Variants in NT5E observed in about 807,000 individuals in gnomAD.
NT5E encodes 5'-nucleotidase ecto, also known as 5'-nucleotidase.
Under a neutral mutation model 55.1 loss-of-function variants are expected in NT5E, and 53 were observed. That is an observed-to-expected ratio of 0.96 (90% CI 0.77 to 1.21). The LOEUF is 1.21. Among genes scored for constraint, NT5E ranks in the 50% most tolerant of loss-of-function variants. The probability of loss-of-function intolerance (pLI) is 0.00; values close to 1 mark genes in which losing one functional copy is unlikely to be tolerated. For missense variants in NT5E, 683 were observed against 724.3 expected (o/e 0.94, Z 0.65); for synonymous variants, 270 against 278.4 (o/e 0.97, Z 0.30).
intron 7 of NT5E, chr6:85,490,889 G>A: frequency 1.7e-6 from 1 of 578,464 alleles, no homozygotes; most frequent in South Asian, 1.9e-5. Context: ...TATTTGCCAA[G>A]TCTGATTTGG....
rs542462690 is a variant in NT5E at position 85,490,450 on chromosome 6, T to C, written c.1211-58T>C. Reference sequence around the variant, plus strand: ...CCCCAGCGCTGAGGGAAACTGGTCATGGTGTAAGCATTTTCTCAAGCTATT... The same window carrying C: ...CCCCAGCGCTGAGGGAAACTGGTCACGGTGTAAGCATTTTCTCAAGCTATT... On this transcript the variant is annotated intron_variant, in intron 6 of 8. Transcript: ENST00000257770. 1.9e-4 allele frequency: 310 copies of C among 1,600,256 alleles called. 4 individuals are homozygous for C. In the South Asian group the frequency reaches 3.2e-3, roughly 17 times the overall value.
intron 1 of NT5E, among the ~76,000 whole-genome samples, chr6:85,455,919 G>A (rs1768980931): frequency 6.6e-6 from 1 of 152,166 alleles, no homozygotes; most frequent in South Asian, 2.1e-4. Context: ...GTGTATGTGT[G>A]TGTTTGTGCT....
Position 85,450,569 on chromosome 6 carries a change from T to C in NT5E, c.339+91T>C. 1 of 1,234,818 alleles carries C rather than the reference T, an allele frequency of 8.1e-7. No homozygotes were observed. Among genetic ancestry groups the C allele is most frequent in the African/African-American group, 1.5e-5 (1 of 67,140 alleles). 76.5% of individuals were successfully genotyped at this position (1,234,818 alleles called of 1,614,324 possible). On this transcript the variant is annotated intron_variant, in intron 1 of 8. Transcript: ENST00000257770. This position sits in a 1 kb window ranked among gnomAD's most constrained non-coding sequence, Gnocchi z 4.0. ...AGCGGATGGCAGAGTGTGGCAAGCC[T>C]AGGTCCAGGGCGCGGAGAGATGTGG...
rs572395461 is a variant in NT5E at position 85,474,145 on chromosome 6, G to A, written c.751+2720G>A. On this transcript the variant is annotated intron_variant, in intron 3 of 8. Coordinates refer to ENST00000257770, the MANE Select transcript of NT5E (RefSeq NM_002526.4). ...TGCTCAAGTCCCTTATATAAATGGT[G>A]TAGCATTTGCATATGACCTGTGCAC... Among the ~76,000 whole-genome samples the A allele has an allele frequency of 3.3e-5, 5 of 152,274 alleles. No individual in the cohort carries two copies. In the East Asian group the frequency reaches 9.6e-4, roughly 29 times the overall value.
At position 85,450,755 on chromosome 6, in the gene NT5E, A is replaced by T. The variant is rs1291314595; in HGVS notation, c.339+277A>T. ...GAGGGGCTTAAGGTGGGGTGCGTAG[A>T]AGCACTGACAGTTATCCAGAGCTAG... On this transcript the variant is annotated intron_variant, in intron 1 of 8. Transcript: ENST00000257770. The surrounding 1 kb of genome is among the most constrained non-coding windows in gnomAD (Gnocchi z 4.0). Among the ~76,000 whole-genome samples, 1 of 152,212 alleles carries T rather than the reference A, an allele frequency of 6.6e-6. No homozygotes were observed. The highest frequency in any genetic ancestry group is 2.4e-5 in the African/African-American group (1 of 41,460).
intron 2 of NT5E, among the ~76,000 whole-genome samples, chr6:85,470,598 C>A (rs1423994970): frequency 6.6e-6 from 1 of 152,126 alleles, no homozygotes; most frequent in Non-Finnish European, 1.5e-5. Flanking sequence ...TGTGCCTCCA[C>A]GCCTGAATAA....
intron 1 of NT5E, among the ~76,000 whole-genome samples, chr6:85,454,335 A>G (rs573253605): frequency 7.8e-4 from 119 of 152,332 alleles, no homozygotes; most frequent in Non-Finnish European, 1.3e-3. Context: ...GTAAATTTCT[A>G]TATTTTACCT....
At chr6:85,473,359 C>G (rs980906586) in intron 3 of NT5E, among the ~76,000 whole-genome samples, 5 of 152,150 alleles carry the variant, frequency 3.3e-5, no homozygotes, top group Non-Finnish European at 5.9e-5. Context: ...GGCCTTAGCA[C>G]AGGGCCTAGT....
intron 2 of NT5E, among the ~76,000 whole-genome samples, chr6:85,468,934 G>T (rs1454989619): frequency 2.0e-5 from 3 of 152,096 alleles, no homozygotes; most frequent in African/African-American, 7.2e-5. Flanking sequence ...CATTTTGCAG[G>T]GCCCAGTGTG....
chr6:85,470,828 T>A (rs1051093624), intron 2 of NT5E, among the ~76,000 whole-genome samples: 1 of 152,260 alleles, frequency 6.6e-6, no homozygotes, highest in African/African-American at 2.4e-5. Context: ...GTTTTAAGTT[T>A]GAACACTGAT....
At position 85,493,838 on chromosome 6, in the gene NT5E, T is replaced by A. The variant is rs769606867; in HGVS notation, c.1562-3T>A. On this transcript the variant is annotated splice_polypyrimidine_tract_variant and splice_region_variant and intron_variant, in intron 8 of 8. Transcript: ENST00000257770. ...AGTTAAAATAATGTATATGTTTTTC[T>A]AGGTGACCAAGATATCAACGTGGTT... 3 of 1,610,624 alleles carry A rather than the reference T, an allele frequency of 1.9e-6. No individual in the cohort carries two copies. Among genetic ancestry groups the A allele is most frequent in the Non-Finnish European group, 2.5e-6 (3 of 1,176,906 alleles).
chr6:85,467,305 T>A, intron 2 of NT5E, 23 bp downstream of exon 2: 1 of 1,584,620 alleles, frequency 6.3e-7, no homozygotes, highest in Non-Finnish European at 8.7e-7. Flanking sequence ...TTTATAGCAC[T>A]CAATGCTTGA....
intron 5 of NT5E, 81 bp from the exon 6 acceptor site, chr6:85,489,413 C>A: frequency 1.0e-6 from 1 of 973,902 alleles, no homozygotes; most frequent in South Asian, 1.3e-5. Flanking sequence ...TATTTCCTCA[C>A]TAGAGCTAAC....
intron 3 of NT5E, among the ~76,000 whole-genome samples, chr6:85,482,056 TA>T (rs1215971715): frequency 6.6e-6 from 1 of 152,238 alleles, no homozygotes; most frequent in African/African-American, 2.4e-5. Flanking sequence ...TCAAATCCCT[TA>T]GAAGCAATCA....
intron 8 of NT5E, among the ~76,000 whole-genome samples, chr6:85,493,507 T>G (rs1043737815): frequency 6.6e-6 from 1 of 152,178 alleles, no homozygotes; most frequent in Non-Finnish European, 1.5e-5. Flanking sequence ...CAGTTTTATC[T>G]CTCAACTAAT....
intron 3 of NT5E, among the ~76,000 whole-genome samples, chr6:85,480,160 G>A (rs1196061271): frequency 6.6e-6 from 1 of 152,184 alleles, no homozygotes; most frequent in Non-Finnish European, 1.5e-5. Context: ...CCTACCTACA[G>A]GGTTCCCTGC....
chr6:85,453,384 G>A (rs527886248), intron 1 of NT5E, among the ~76,000 whole-genome samples: 1 of 152,222 alleles, frequency 6.6e-6, no homozygotes, highest in South Asian at 2.1e-4. Context: ...GGGGAGGAGG[G>A]GAATTGTGAG....
At chr6:85,453,047 A>C (rs923761261) in intron 1 of NT5E, among the ~76,000 whole-genome samples, 2 of 152,156 alleles carry the variant, frequency 1.3e-5, no homozygotes, top group Non-Finnish European at 2.9e-5. Context: ...TTCTAGACCT[A>C]CTGGAGTAAT....
At chr6:85,472,805 C>T (rs2127721566) in intron 3 of NT5E, among the ~76,000 whole-genome samples, 1 of 152,188 alleles carries the variant, frequency 6.6e-6, no homozygotes, top group Non-Finnish European at 1.5e-5. Flanking sequence ...AATTCCTTCA[C>T]AGATATTTTA....
Sources: gnomAD v4.1 joint callset for allele counts (sites outside exome capture counted in the v4.1 genomes callset) on GRCh38, gnomAD v4.1.1 for gene constraint, Gnocchi (gnomAD v3.1) non-coding constraint, MANE v1.5 for transcripts, NCBI Gene and HGNC (gene_info 2026-07-23, HGNC 2026-07-21) for gene names.